Variants in RASGRF1 observed in about 807,000 individuals in gnomAD.
RASGRF1 encodes Ras protein specific guanine nucleotide releasing factor 1, also known as ras-specific guanine nucleotide-releasing factor 1.
RASGRF1 carries 40 observed loss-of-function variants against 138.7 expected under a neutral mutation model. The ratio of observed to expected loss-of-function variants is 0.29; its 90% CI spans 0.22 to 0.38. The LOEUF (loss-of-function observed/expected upper bound fraction) is 0.38, where lower values mean the gene tolerates loss of function less well. RASGRF1 is among the 10% of genes least tolerant of loss of function. RASGRF1 has a pLI of 1.00. For synonymous variants in RASGRF1, 614 were observed against 663.2 expected (o/e 0.93, Z 1.14); for missense variants, 1,108 against 1,650.4 (o/e 0.67, Z 5.69).
At chr15:79,067,525 G>A (rs2141069787) in intron 1 of RASGRF1, among the ~76,000 whole-genome samples, 1 of 152,350 alleles carries the variant, frequency 6.6e-6, no homozygotes, top group African/African-American at 2.4e-5. Context: ...TGCTTTTGCT[G>A]CTGCAGGAGG....
intron 13 of RASGRF1, among the ~76,000 whole-genome samples, chr15:79,014,931 CAAAA>C (rs2056855397): frequency 1.5e-5 from 2 of 136,524 alleles, no homozygotes; most frequent in African/African-American, 6.3e-5. Context: ...AAACAAAAAA[CAAAA>C]AACAAAAAAC....
chr15:79,042,340 C>T (rs2057307345), intron 5 of RASGRF1, among the ~76,000 whole-genome samples: 1 of 152,224 alleles, frequency 6.6e-6, no homozygotes, highest in South Asian at 2.1e-4. Context: ...AAAAAGCTTT[C>T]CAGCAAGTGA....
At chr15:79,003,716 G>A in intron 15 of RASGRF1, 86 bp downstream of exon 15, 1 of 1,499,746 alleles carries the variant, frequency 6.7e-7, no homozygotes, top group Non-Finnish European at 8.8e-7. Context: ...GGAGCAGGAA[G>A]AGCAGCCCTG....
At chr15:78,962,702 G>C (rs8037303) in intron 26 of RASGRF1, among the ~76,000 whole-genome samples, 7,863 of 152,092 alleles carry the variant, frequency 0.052, 687 homozygotes, top group African/African-American at 0.18. Context: ...GGGCAACAAA[G>C]TGAGACCCTG....
chr15:79,030,486 C>T (rs562765045), intron 8 of RASGRF1, among the ~76,000 whole-genome samples: 18 of 152,286 alleles, frequency 1.2e-4, no homozygotes, highest in Admixed American at 4.6e-4. Flanking sequence ...TGATGATTGC[C>T]GGATTTCTCT....
chr15:78,986,322 G>A (rs1264666893), intron 22 of RASGRF1, among the ~76,000 whole-genome samples: 1 of 151,950 alleles, frequency 6.6e-6, no homozygotes, highest in African/African-American at 2.4e-5. Flanking sequence ...TGGGCTTTCT[G>A]GTACATTCTT....
intron 1 of RASGRF1, among the ~76,000 whole-genome samples, chr15:79,079,987 A>G (rs1277057169): frequency 1.3e-5 from 2 of 151,884 alleles, no homozygotes; most frequent in Non-Finnish European, 2.9e-5. Flanking sequence ...AGCAGATGCG[A>G]CTCATGGGGG....
chr15:79,077,249 T>C (rs1414813767), intron 1 of RASGRF1, among the ~76,000 whole-genome samples: 1 of 152,110 alleles, frequency 6.6e-6, no homozygotes, highest in Non-Finnish European at 1.5e-5. Context: ...CAGACCTGGG[T>C]TCAAATTTAT....
At chr15:78,976,552 T>C (rs1398906967) in intron 24 of RASGRF1, among the ~76,000 whole-genome samples, 1 of 120,196 alleles carries the variant, frequency 8.3e-6, no homozygotes, top group Non-Finnish European at 1.9e-5. Flanking sequence ...AAGAGAACAC[T>C]CAATCAAACA....
intron 10 of RASGRF1, among the ~76,000 whole-genome samples, chr15:79,020,789 C>T (rs1472991829): frequency 6.6e-6 from 1 of 152,346 alleles, no homozygotes; most frequent in East Asian, 1.9e-4. Context: ...GGTTGTAAGA[C>T]ATGTTCACAA....
intron 10 of RASGRF1, among the ~76,000 whole-genome samples, chr15:79,021,598 A>AT (rs1388990040): frequency 6.6e-6 from 1 of 152,238 alleles, no homozygotes; most frequent in Non-Finnish European, 1.5e-5. Flanking sequence ...AAGGCATTCT[A>AT]TTGCCACTTG....
intron 4 of RASGRF1, among the ~76,000 whole-genome samples, chr15:79,048,461 C>T (rs1595937244): frequency 6.6e-6 from 1 of 152,298 alleles, no homozygotes. Flanking sequence ...TCCTTTGCCT[C>T]TCTGTGTCTC....
intron 1 of RASGRF1, among the ~76,000 whole-genome samples, chr15:79,085,736 G>T (rs770062531): frequency 1.3e-5 from 2 of 152,128 alleles, no homozygotes; most frequent in Non-Finnish European, 2.9e-5. Context: ...GATTACTGTG[G>T]GAGTGAGTTT....
chr15:78,990,330 C>A, intron 21 of RASGRF1, 57 bp from the exon 22 acceptor site: 2 of 1,155,242 alleles, frequency 1.7e-6, no homozygotes, highest in South Asian at 2.5e-5. Flanking sequence ...TTGCTGATTT[C>A]ATTGCTCCAT....
rs771652264 is a variant in RASGRF1, at chr15:79,090,432, C to T, written c.67G>A (p.Gly23Ser). The T allele has an allele frequency of 3.1e-6, 5 of 1,613,220 alleles. No individual in the cohort carries two copies. The highest frequency in any genetic ancestry group is 1.1e-5 in the South Asian group (1 of 91,084). ...ASLGLLARKDGTRKGYLSKRS... is the reference protein window; with the variant it reads ...ASLGLLARKDSTRKGYLSKRS... ...TTGCTCAGGTAGCCTTTGCGCGTGC[C>T]GTCCTTGCGCGCCAGCAGTCCCAGG... is the stretch of plus-strand genomic sequence containing the variant. Residue 23 changes from glycine to serine, a missense_variant, in exon 1 of 27, where the codon GGC becomes AGC. This residue lies in a region of RASGRF1 where 253 missense variants were observed against 329.5 expected (regional missense o/e 0.77). Coordinates refer to ENST00000558480, the MANE Select transcript of RASGRF1 (RefSeq NM_001145648.3).
At chr15:79,019,901 G>A (rs913750629) in intron 11 of RASGRF1, 140 bp downstream of exon 11, 1 of 938,480 alleles carries the variant, frequency 1.1e-6, no homozygotes, top group Admixed American at 2.1e-5. Context: ...GTGTGCATGA[G>A]GGCATGTGTG....
intron 9 of RASGRF1, among the ~76,000 whole-genome samples, chr15:79,026,780 G>T (rs1418265756): frequency 6.6e-6 from 1 of 152,166 alleles, no homozygotes; most frequent in Non-Finnish European, 1.5e-5. Context: ...TCCTTCAGAG[G>T]GGGCCTAAAA....
chr15:79,088,127 T>C (rs564320663), intron 1 of RASGRF1, among the ~76,000 whole-genome samples: 1 of 152,344 alleles, frequency 6.6e-6, no homozygotes, highest in African/African-American at 2.4e-5. Flanking sequence ...CAGGAATTCT[T>C]AGGCATTGGA....
At chr15:79,019,873 G>A (rs2056934164) in intron 11 of RASGRF1, among the ~76,000 whole-genome samples, 168 bp downstream of exon 11, 1 of 152,070 alleles carries the variant, frequency 6.6e-6, no homozygotes, top group East Asian at 1.9e-4. Context: ...CCCAGCTGTA[G>A]CAGGGACTGA....
Sources: allele counts gnomAD v4.1 joint callset (sites outside exome capture counted in the v4.1 genomes callset), GRCh38; gene constraint gnomAD v4.1.1; regional missense constraint gnomAD v4.1.1; transcripts MANE v1.5; gene names NCBI Gene and HGNC (gene_info 2026-07-23, HGNC 2026-07-21).